Variants in CAMTA1 observed in about 807,000 individuals in gnomAD.
CAMTA1 encodes the protein calmodulin binding transcription activator 1, also known as calmodulin-binding transcription activator 1.
A neutral mutation model predicts 170.9 loss-of-function variants in CAMTA1; 27 were observed. That is an observed-to-expected ratio of 0.16 (90% confidence interval 0.12 to 0.22). CAMTA1 has a LOEUF of 0.22. Among genes scored for constraint, CAMTA1 ranks in the 10% least tolerant of loss-of-function variants. The probability of loss-of-function intolerance (pLI) is 1.00; values close to 1 mark genes in which losing one functional copy is unlikely to be tolerated. For synonymous variants in CAMTA1, 833 were observed against 891.5 expected (o/e 0.93, Z 1.17); for missense variants, 1,619 against 2,217.2 (o/e 0.73, Z 5.42).
intron 1 of CAMTA1, among the ~76,000 whole-genome samples, chr1:6,785,893 C>T (rs1210988916): frequency 6.7e-6 from 1 of 148,442 alleles, no homozygotes; most frequent in Non-Finnish European, 1.5e-5. Flanking sequence ...AGGGCCGGCG[C>T]CTCCCCCACC....
At chr1:7,190,616 G>GTGTT (rs375351746) in intron 4 of CAMTA1, among the ~76,000 whole-genome samples, 9 of 152,176 alleles carry the variant, frequency 5.9e-5, no homozygotes, top group African/African-American at 1.7e-4. Flanking sequence ...AACTGTTTGA[G>GTGTT]TGTTGTTCCT....
intron 10 of CAMTA1, among the ~76,000 whole-genome samples, chr1:7,672,580 C>T (rs2096069881): frequency 6.6e-6 from 1 of 152,136 alleles, no homozygotes; most frequent in African/African-American, 2.4e-5. Context: ...TGCCACCACA[C>T]CCAGCTAATT....
intron 5 of CAMTA1, among the ~76,000 whole-genome samples, chr1:7,323,759 T>A (rs1678857295): frequency 6.6e-6 from 1 of 152,216 alleles, no homozygotes; most frequent in Admixed American, 6.5e-5. Flanking sequence ...TCTTCTTTTG[T>A]TCACCGTTGT....
At chr1:6,884,058 A>T (rs1160734259) in intron 3 of CAMTA1, among the ~76,000 whole-genome samples, 2 of 152,046 alleles carry the variant, frequency 1.3e-5, no homozygotes, top group African/African-American at 2.4e-5. Flanking sequence ...AGCTCATGGG[A>T]TGGTCATGGA....
chr1:7,308,105 A>C (rs886286729), intron 5 of CAMTA1, among the ~76,000 whole-genome samples: 15 of 151,834 alleles, frequency 9.9e-5, no homozygotes, highest in Non-Finnish European at 1.6e-4. Context: ...TGTGGTTTTC[A>C]AAGATTGGTT....
At position 7,634,632 on chromosome 1, in the gene CAMTA1, C is replaced by T. The variant is rs1326087415; in HGVS notation, c.511-5768C>T. 6.6e-6 allele frequency among the ~76,000 whole-genome samples: 1 copy of T among 151,964 alleles called. No individual in the cohort carries two copies. The highest frequency in any genetic ancestry group is 2.4e-5 in the African/African-American group (1 of 41,370). ...AGGGAGGCCAGAGCCCCAGGCTGGA[C>T]GCTGGTGGAGGAAGGGCCTCTGTAC... On this transcript the variant is annotated intron_variant, in intron 6 of 22. Transcript: ENST00000303635. This position sits in a 1 kb window ranked among gnomAD's most constrained non-coding sequence, Gnocchi z 6.2.
At chr1:7,678,968 CGA>C (rs1339670510) in intron 11 of CAMTA1, among the ~76,000 whole-genome samples, 3 of 152,224 alleles carry the variant, frequency 2.0e-5, no homozygotes, top group Admixed American at 1.3e-4. Context: ...CTGCCCCAGC[CGA>C]GAGAGAGGGT....
intron 3 of CAMTA1, among the ~76,000 whole-genome samples, chr1:6,991,794 G>GT (rs1696415180): frequency 6.6e-6 from 1 of 152,154 alleles, no homozygotes; most frequent in Middle Eastern, 3.2e-3. Context: ...CCCTTCCTGG[G>GT]TTGAAGCGAT....
At chr1:7,100,620 T>C (rs929466077) in intron 4 of CAMTA1, among the ~76,000 whole-genome samples, 2 of 152,236 alleles carry the variant, frequency 1.3e-5, no homozygotes, top group Non-Finnish European at 2.9e-5. Flanking sequence ...GCTGCTGACA[T>C]GCACACATGC....
intron 5 of CAMTA1, among the ~76,000 whole-genome samples, chr1:7,381,955 T>C (rs1359554717): frequency 6.6e-6 from 1 of 152,252 alleles, no homozygotes; most frequent in Admixed American, 6.5e-5. Context: ...GGTTGAGAAC[T>C]GGCTGGGCAA....
intron 4 of CAMTA1, among the ~76,000 whole-genome samples, chr1:7,171,847 G>A (rs577800345): frequency 6.6e-6 from 1 of 152,280 alleles, no homozygotes; most frequent in South Asian, 2.1e-4. Context: ...ATGTTTCATA[G>A]AAATGGAATC....
chr1:7,640,580 C>A, intron 7 of CAMTA1, 27 bp downstream of exon 7: 1 of 1,613,638 alleles, frequency 6.2e-7, no homozygotes, highest in Non-Finnish European at 8.5e-7. Context: ...GGCCTGGCGC[C>A]CCCACGCTGG....
At chr1:7,244,962 G>A (rs1420333845) in intron 4 of CAMTA1, among the ~76,000 whole-genome samples, 1 of 151,822 alleles carries the variant, frequency 6.6e-6, no homozygotes, top group Non-Finnish European at 1.5e-5. Flanking sequence ...ACATTTTAAT[G>A]ATCATAACTC....
intron 4 of CAMTA1, among the ~76,000 whole-genome samples, chr1:7,133,062 A>T (rs11120859): frequency 6.6e-6 from 1 of 151,928 alleles, no homozygotes; most frequent in Non-Finnish European, 1.5e-5. Context: ...TCCTTATAAC[A>T]TCTTAGTCTG....
At chr1:7,108,497 C>T (rs1006935758) in intron 4 of CAMTA1, among the ~76,000 whole-genome samples, 1 of 152,090 alleles carries the variant, frequency 6.6e-6, no homozygotes, top group Non-Finnish European at 1.5e-5. Flanking sequence ...TGCAGAAGGA[C>T]GGCCTGAACT....
intron 3 of CAMTA1, among the ~76,000 whole-genome samples, chr1:6,940,678 A>G (rs1190413652): frequency 6.6e-6 from 1 of 152,042 alleles, no homozygotes; most frequent in Non-Finnish European, 1.5e-5. Context: ...GGTCCAGAGG[A>G]GTGACACTTA....
chr1:7,518,258 C>CT (rs2094313383), intron 6 of CAMTA1, among the ~76,000 whole-genome samples: 1 of 151,982 alleles, frequency 6.6e-6, no homozygotes, highest in South Asian at 2.1e-4. Flanking sequence ...TCCCAGACTT[C>CT]TAGAAGCCCC....
intron 3 of CAMTA1, among the ~76,000 whole-genome samples, chr1:6,944,141 G>A (rs1039574507): frequency 6.6e-6 from 1 of 152,114 alleles, no homozygotes; most frequent in Non-Finnish European, 1.5e-5. Flanking sequence ...TTTTGTGACT[G>A]GCCTATTTCA....
chr1:7,614,473 A>AT (rs1235099590), intron 6 of CAMTA1, among the ~76,000 whole-genome samples: 1 of 152,116 alleles, frequency 6.6e-6, no homozygotes, highest in Non-Finnish European at 1.5e-5. Context: ...TTTGTACGTA[A>AT]TGACAATCAA....
Sources: gnomAD v4.1 joint callset for allele counts (sites outside exome capture counted in the v4.1 genomes callset) on GRCh38, gnomAD v4.1.1 for gene constraint, Gnocchi (gnomAD v3.1) non-coding constraint, MANE v1.5 for transcripts, NCBI Gene and HGNC (gene_info 2026-07-23, HGNC 2026-07-21) for gene names.